The following CFAP54 variants were observed in gnomAD, a reference collection of about 807,000 sequenced individuals.
CFAP54 encodes the protein cilia- and flagella-associated protein 54.
A neutral mutation model predicts 370.4 loss-of-function variants in CFAP54; 290 were observed. The observed-to-expected ratio is 0.78, with a 90% CI of 0.71 to 0.86. CFAP54 has a LOEUF of 0.86. Ranked by LOEUF, CFAP54 falls within the 40% of genes least tolerant of loss-of-function variation. CFAP54 has a pLI of 0.00. For missense variants in CFAP54, 3,399 were observed against 3,528.7 expected, an observed-to-expected ratio of 0.96 and a Z score of 0.93; for synonymous variants, 1,206 against 1,236.5, an observed-to-expected ratio of 0.98 and a Z score of 0.52.
chr12:96,556,895 CCTTT>C (rs140624376), intron 17 of CFAP54, among the ~76,000 whole-genome samples: 3,856 of 152,040 alleles, frequency 0.025, 114 homozygotes, highest in African/African-American at 0.069. Flanking sequence ...GACACTGGGG[CCTTT>C]CTGAGGGTGA....
intron 65 of CFAP54, among the ~76,000 whole-genome samples, chr12:96,826,162 A>T (rs992904636): frequency 4.8e-5 from 7 of 146,156 alleles, no homozygotes; most frequent in African/African-American, 1.7e-4. Context: ...AAAGCAAACA[A>T]CACCTGAACT....
intron 66 of CFAP54, among the ~76,000 whole-genome samples, chr12:96,839,459 A>G (rs573312250): frequency 1.3e-5 from 2 of 152,352 alleles, no homozygotes; most frequent in Non-Finnish European, 2.9e-5. Flanking sequence ...GAAGCCTCTG[A>G]GTATACTCAT....
intron 19 of CFAP54, among the ~76,000 whole-genome samples, chr12:96,568,728 ACT>A (rs1316345723): frequency 6.6e-6 from 1 of 152,088 alleles, no homozygotes. Context: ...TCTCTTTAGA[ACT>A]CTTAAATAAT....
rs375546434 is a variant in CFAP54, at chr12:96,606,387, A to G, written c.3639+7620A>G. 7.9e-5 allele frequency among the ~76,000 whole-genome samples: 12 copies of G among 152,368 alleles called. No individual in the cohort carries two copies. In the East Asian group the frequency reaches 1.4e-3, roughly 17 times the overall value. On this transcript the variant is annotated intron_variant, in intron 26 of 67. Coordinates refer to ENST00000524981, the MANE Select transcript of CFAP54 (RefSeq NM_001306084.2). ...ACTTGAGAGTTATTGTAAGAGGTCTATATAGCCATAGTCGTGCTTAGCATT... is the reference window on the plus strand; with the variant it reads ...ACTTGAGAGTTATTGTAAGAGGTCTGTATAGCCATAGTCGTGCTTAGCATT...
chr12:96,581,998 G>A (rs1395889007), intron 22 of CFAP54, among the ~76,000 whole-genome samples: 3 of 151,892 alleles, frequency 2.0e-5, no homozygotes, highest in Non-Finnish European at 4.4e-5. Context: ...ACTTTCTTAG[G>A]GTAAATTTAT....
At chr12:96,630,513 T>A in intron 31 of CFAP54, 38 bp from the exon 32 acceptor site, 2 of 1,152,604 alleles carry the variant, frequency 1.7e-6, no homozygotes, top group Non-Finnish European at 2.4e-6. Context: ...TGTTCAAAGT[T>A]TAAATTTAAC....
intron 1 of CFAP54, among the ~76,000 whole-genome samples, chr12:96,493,524 G>T (rs76363313): frequency 0.092 from 14,010 of 152,142 alleles, 1,105 homozygotes; most frequent in East Asian, 0.42. Context: ...AATGATAAAT[G>T]CAGCTGGGTG....
At chr12:96,734,251 C>T (rs1342911529) in intron 50 of CFAP54, among the ~76,000 whole-genome samples, 1 of 152,132 alleles carries the variant, frequency 6.6e-6, no homozygotes, top group African/African-American at 2.4e-5. Context: ...TCTCTCCCCA[C>T]CTCTCCTGGC....
intron 9 of CFAP54, among the ~76,000 whole-genome samples, chr12:96,529,133 G>A (rs1025051641): frequency 6.6e-6 from 1 of 152,056 alleles, no homozygotes; most frequent in Non-Finnish European, 1.5e-5. Flanking sequence ...GTATTATTTG[G>A]AACTGTGAAC....
chr12:96,661,366 A>G (rs574778396), intron 38 of CFAP54, among the ~76,000 whole-genome samples: 1 of 152,324 alleles, frequency 6.6e-6, no homozygotes, highest in Admixed American at 6.5e-5. Context: ...ATTTTACAGT[A>G]TCACATCTGT....
chr12:96,540,797 A>G, intron 13 of CFAP54, 40 bp from the exon 14 acceptor site: 1 of 1,293,832 alleles, frequency 7.7e-7, no homozygotes, highest in Non-Finnish European at 1.0e-6. Flanking sequence ...ACAGTTTCAT[A>G]TACTTTTAAT....
intron 50 of CFAP54, among the ~76,000 whole-genome samples, chr12:96,734,229 A>C (rs1399848554): frequency 1.3e-5 from 2 of 152,194 alleles, no homozygotes; most frequent in Admixed American, 1.3e-4. Context: ...ATTAGAAAAA[A>C]AATCAATTTA....
At chr12:96,620,015 A>C (rs1642978) in intron 26 of CFAP54, among the ~76,000 whole-genome samples, 89,118 of 151,436 alleles carry the variant, frequency 0.59, 26,588 homozygotes, top group Admixed American at 0.63. Flanking sequence ...AACAAATAAA[A>C]ATTTTTAAAA....
intron 22 of CFAP54, 144 bp downstream of exon 22, chr12:96,581,249 C>T: frequency 1.9e-6 from 1 of 531,592 alleles, no homozygotes; most frequent in Admixed American, 4.3e-5. Context: ...AGTTTTGTCT[C>T]ATAAAATATG....
At position 96,693,780 on chromosome 12, in the gene CFAP54, C is replaced by A; in HGVS notation, c.6323C>A (p.Thr2108Lys). 1 of 1,597,998 alleles carries A rather than the reference C, an allele frequency of 6.3e-7. No homozygotes were observed. Among genetic ancestry groups the A allele is most frequent in the Non-Finnish European group, 8.6e-7 (1 of 1,167,104 alleles). ...GTTTCTGGAATTTGTCAAGACATAACAAGAAATCTAGAAGCAAGAATCCTC... is the reference window on the plus strand; with the variant it reads ...GTTTCTGGAATTTGTCAAGACATAAAAAGAAATCTAGAAGCAAGAATCCTC... ...YFVSGICQDI[T>K]RNLEARILKI... The change falls in exon 45 of 68, where the codon ACA becomes AAA. Residue 2108 changes from threonine (T) to lysine (K), a missense_variant. By Grantham distance (78) the Thr-to-Lys change is moderately conservative. Around this residue, in one of 3 missense-constraint regions of CFAP54, gnomAD observed 2,796 missense variants for 2,869.7 expected, o/e 0.97. Transcript: ENST00000524981.
intron 26 of CFAP54, among the ~76,000 whole-genome samples, chr12:96,617,602 AC>A (rs1347224641): frequency 3.9e-5 from 6 of 152,006 alleles, no homozygotes; most frequent in African/African-American, 9.7e-5. Context: ...AATCCAAAGC[AC>A]CCTTTTCTTT....
Position 96,685,406 on chromosome 12 carries a change from T to C in CFAP54, c.6014+168T>C, listed in dbSNP as rs184904959. On this transcript the variant is annotated intron_variant, in intron 42 of 67. Transcript: ENST00000524981. ...TTTACTTATTTGTGATGTTTATTGC[T>C]TATGATTATCTCTTCTTCCTGTAAC... Among the ~76,000 whole-genome samples the C allele has an allele frequency of 9.2e-5, 14 of 152,320 alleles. No individual in the cohort carries two copies. In the East Asian group the frequency reaches 2.7e-3, roughly 29 times the overall value.
intron 22 of CFAP54, among the ~76,000 whole-genome samples, chr12:96,583,801 C>G (rs748375638): frequency 6.6e-6 from 1 of 152,188 alleles, no homozygotes; most frequent in African/African-American, 2.4e-5. Flanking sequence ...GGACACCTAA[C>G]ATGTGCCAAG....
rs374545692 is a variant in CFAP54, at chr12:96,854,435, A to C, written c.9172-6384A>C. Among the ~76,000 whole-genome samples, 12 of 151,724 alleles carry C rather than the reference A, an allele frequency of 7.9e-5. No homozygotes were observed. In the East Asian group the frequency reaches 9.7e-4, roughly 12 times the overall value. ...TGCTGGTTGAAATGATAATTGCCCC[A>C]ACATATTTGGAAAGTAATTCTGGCA... On this transcript the variant is annotated intron_variant, in intron 66 of 67. Transcript: ENST00000524981.
Sources: allele counts gnomAD v4.1 joint callset (sites outside exome capture counted in the v4.1 genomes callset), GRCh38; gene constraint gnomAD v4.1.1; regional missense constraint gnomAD v4.1.1; transcripts MANE v1.5; gene names NCBI Gene and HGNC (gene_info 2026-07-23, HGNC 2026-07-21).